Variants in EXPH5 observed in about 807,000 individuals in gnomAD.
EXPH5 encodes the protein exophilin 5.
A neutral mutation model predicts 41.1 loss-of-function variants in EXPH5; 42 were observed. That is an observed-to-expected ratio of 1.02 (90% CI 0.80 to 1.32). The LOEUF (loss-of-function observed/expected upper bound fraction) is 1.32. Among genes scored for constraint, EXPH5 ranks in the 40% most tolerant of loss-of-function variants. The pLI is 0.00. For synonymous variants in EXPH5, 798 were observed against 833.5 expected (o/e 0.96, Z 0.73); for missense variants, 2,298 against 2,314.5 (o/e 0.99, Z 0.15).
chr11:108,564,340 T>G (rs2094025567), intron 1 of EXPH5, among the ~76,000 whole-genome samples: 3 of 152,118 alleles, frequency 2.0e-5, no homozygotes, highest in African/African-American at 2.4e-5. Context: ...AGATGTTTTC[T>G]TGTTATATTC....
chr11:108,525,026 C>T (rs1304369588), intron 4 of EXPH5, among the ~76,000 whole-genome samples: 1 of 152,120 alleles, frequency 6.6e-6, no homozygotes, highest in Admixed American at 6.5e-5. Context: ...ATACTGTTCT[C>T]GTGGTAGTGA....
intron 1 of EXPH5, among the ~76,000 whole-genome samples, chr11:108,591,247 T>G (rs147086519): frequency 5.9e-5 from 9 of 152,238 alleles, no homozygotes; most frequent in Non-Finnish European, 1.2e-4. Context: ...TGTGTCCTGA[T>G]TTTTGATTTG....
chr11:108,593,687 G>A lies in EXPH5; in HGVS notation c.-151C>T. 6.4e-7 allele frequency: 1 copy of A among 1,552,076 alleles called. No homozygotes were observed. Among genetic ancestry groups the A allele is most frequent in the Non-Finnish European group, 8.7e-7 (1 of 1,150,670 alleles). On this transcript the variant is annotated 5_prime_UTR_variant, in exon 1 of 6. Transcript: ENST00000265843. ...GAAAGTCTAAAACCACAAACCTAGG[G>A]AACGCCCACACCTGAAGGGCTCATA...
chr11:108,521,938 A>T (rs1264776759), intron 4 of EXPH5, among the ~76,000 whole-genome samples: 1 of 152,192 alleles, frequency 6.6e-6, no homozygotes, highest in East Asian at 1.9e-4. Flanking sequence ...AGTGAAATGA[A>T]AAGTACATGA....
intron 3 of EXPH5, among the ~76,000 whole-genome samples, chr11:108,532,202 G>T (rs2093842566): frequency 6.8e-6 from 1 of 146,794 alleles, no homozygotes; most frequent in African/African-American, 2.5e-5. Flanking sequence ...TTTTGAGACA[G>T]GGTCTTGCCT....
chr11:108,591,661 A>G (rs2094127797), intron 1 of EXPH5, among the ~76,000 whole-genome samples: 1 of 152,232 alleles, frequency 6.6e-6, no homozygotes, highest in Non-Finnish European at 1.5e-5. Context: ...AGTGCCATGA[A>G]ATTAGAAAAT....
chr11:108,578,383 T>C (rs375709153), intron 1 of EXPH5, among the ~76,000 whole-genome samples: 16 of 152,332 alleles, frequency 1.1e-4, no homozygotes, highest in African/African-American at 3.8e-4. Flanking sequence ...TCCTGTTCCA[T>C]TGGTCTATGT....
chr11:108,557,735 C>T (rs1327153424), intron 1 of EXPH5, among the ~76,000 whole-genome samples: 1 of 152,112 alleles, frequency 6.6e-6, no homozygotes, highest in Non-Finnish European at 1.5e-5. Context: ...TCTCTTGTAG[C>T]CCATTAAAAC....
intron 5 of EXPH5, among the ~76,000 whole-genome samples, 173 bp from the exon 6 acceptor site, chr11:108,515,048 T>C (rs1013452448): frequency 5.9e-5 from 9 of 152,244 alleles, no homozygotes; most frequent in African/African-American, 2.2e-4. Flanking sequence ...CTGACTTTTA[T>C]AAGACTATAG....
chr11:108,579,086 C>T (rs1051279054), intron 1 of EXPH5, among the ~76,000 whole-genome samples: 13 of 152,124 alleles, frequency 8.5e-5, no homozygotes, highest in African/African-American at 3.1e-4. Flanking sequence ...TGTTCCAGAT[C>T]TTAGAGGAAA....
Position 108,514,628 on chromosome 11 carries a change from T to A in EXPH5, c.879A>T (p.Thr293=). 6.2e-7 allele frequency: 1 copy of A among 1,609,660 alleles called. No homozygotes were observed. The highest frequency in any genetic ancestry group is 2.2e-5 in the East Asian group (1 of 44,870). ...GFKTFSPRTS[T]IYDMYRTREP... is the part of the protein sequence containing the mutation. ...CCCTTGTCCTATACATATCATAAAT[T>A]GTGCTTGTCCTAGGAGAAAAGGTTT... The change falls in exon 6 of 6, where the codon ACA becomes ACT. Residue 293 remains threonine, a synonymous_variant. Transcript: ENST00000265843.
intron 1 of EXPH5, among the ~76,000 whole-genome samples, chr11:108,562,110 G>A (rs899792905): frequency 1.3e-5 from 2 of 152,110 alleles, no homozygotes; most frequent in Admixed American, 6.5e-5. Context: ...ACTGCTCTAT[G>A]TTCCTTGTCA....
At chr11:108,535,635 C>T (rs999165982) in intron 3 of EXPH5, among the ~76,000 whole-genome samples, 1 of 152,152 alleles carries the variant, frequency 6.6e-6, no homozygotes, top group Admixed American at 6.6e-5. Flanking sequence ...AAGTGATCTG[C>T]CCTTTTAATT....
chr11:108,520,417 T>C (rs1007027013), intron 4 of EXPH5, among the ~76,000 whole-genome samples: 15 of 152,254 alleles, frequency 9.9e-5, no homozygotes, highest in African/African-American at 1.4e-4. Flanking sequence ...TAAGCTGATC[T>C]GGTAGTTCTG....
At position 108,546,039 on chromosome 11, in the gene EXPH5, G is replaced by A. The variant is rs370766677; in HGVS notation, c.120-4227C>T. ...GGATGAAGGATGAGGCCAAAGGGTCGTGGCAGAAGGGTCTGAGAGAGAGCT... is the reference window on the plus strand; with the variant it reads ...GGATGAAGGATGAGGCCAAAGGGTCATGGCAGAAGGGTCTGAGAGAGAGCT... On this transcript the variant is annotated intron_variant, in intron 1 of 5. Coordinates refer to ENST00000265843, the MANE Select transcript of EXPH5 (RefSeq NM_015065.3). Among the ~76,000 whole-genome samples, 54 of 152,218 alleles carry A rather than the reference G, an allele frequency of 3.5e-4. 1 individual carries two copies. The Middle Eastern group carries it at 0.01, about 29-fold the overall frequency.
chr11:108,524,988 T>C (rs1432808266), intron 4 of EXPH5, among the ~76,000 whole-genome samples: 1 of 152,202 alleles, frequency 6.6e-6, no homozygotes. Context: ...CAGTGGGCGA[T>C]GACTGAATCA....
chr11:108,526,019 A>G (rs2093796315), intron 4 of EXPH5, among the ~76,000 whole-genome samples: 1 of 149,470 alleles, frequency 6.7e-6, no homozygotes, highest in South Asian at 2.1e-4. Context: ...GGCTCAAGTG[A>G]TCCTTCCACC....
At chr11:108,532,134 A>G (rs1197965073) in intron 3 of EXPH5, among the ~76,000 whole-genome samples, 1 of 150,258 alleles carries the variant, frequency 6.7e-6, no homozygotes, top group Non-Finnish European at 1.5e-5. Context: ...TCTAGTTCCT[A>G]CATACTTTCC....
At position 108,541,726 on chromosome 11, in the gene EXPH5, C is replaced by T; in HGVS notation, c.206G>A (p.Cys69Tyr). The T allele has an allele frequency of 6.2e-7, 1 of 1,613,180 alleles. No homozygotes were observed. The highest frequency in any genetic ancestry group is 2.2e-5 in the East Asian group (1 of 44,824). Residue 69 changes from cysteine to tyrosine, a missense_variant, in exon 2 of 6, where the codon TGC (cysteine) becomes TAC (tyrosine). Transcript: ENST00000265843. ...WFEEIQRKKF[C>Y]NETDVSQMLK... is the part of the protein sequence containing the mutation. Reference sequence around the variant, plus strand: ...CATTTGGCTAACATCTGTTTCATTGCAAAACTTTTTTCTTTGAATTTCTTC... The same window carrying T: ...CATTTGGCTAACATCTGTTTCATTGTAAAACTTTTTTCTTTGAATTTCTTC...
Sources: gnomAD v4.1 joint callset for allele counts (sites outside exome capture counted in the v4.1 genomes callset) on GRCh38, gnomAD v4.1.1 for gene constraint, MANE v1.5 for transcripts, NCBI Gene and HGNC (gene_info 2026-07-23, HGNC 2026-07-21) for gene names.